TAFA4: variants seen among roughly 807,000 people sequenced by gnomAD.
TAFA4 encodes the protein chemokine-like protein TAFA-4.
TAFA4 carries 20 observed loss-of-function variants against 21.1 expected under a neutral mutation model. That is an observed-to-expected ratio of 0.95 (90% CI 0.67 to 1.38). TAFA4 has a LOEUF of 1.38. Ranked by LOEUF, TAFA4 falls within the 40% of genes most tolerant of loss-of-function variation. TAFA4 has a pLI of 0.00. For missense variants in TAFA4, 211 were observed against 180.9 expected (o/e 1.17, Z -0.95); for synonymous variants, 71 against 67.4 (o/e 1.05, Z -0.26).
intron 3 of TAFA4, among the ~76,000 whole-genome samples, chr3:68,851,059 A>T (rs1469613407): frequency 6.6e-6 from 1 of 152,214 alleles, no homozygotes; most frequent in East Asian, 1.9e-4. Context: ...TCACTGCAGC[A>T]CTATTCACAA....
rs73835346 is a variant in TAFA4, at chr3:68,755,214, T to G, written c.131-2196A>C. On this transcript the variant is annotated intron_variant, in intron 3 of 5. Transcript: ENST00000295569. ...TGAATTCCATCATCCTGTGATAAAG[T>G]AGTTTCTGTATTGCACATGTACTTA... 7.9e-3 allele frequency among the ~76,000 whole-genome samples: 1,206 copies of G among 152,332 alleles called. 12 individuals are homozygous for G. Among genetic ancestry groups the G allele is most frequent in the African/African-American group, 0.028 (1,150 of 41,564 alleles).
At chr3:68,779,493 C>T (rs113439440) in intron 3 of TAFA4, among the ~76,000 whole-genome samples, 2,230 of 152,198 alleles carry the variant, frequency 0.015, 55 homozygotes, top group African/African-American at 0.05. Flanking sequence ...TGAGCTGGGC[C>T]CAGGGTCCCT....
intron 3 of TAFA4, among the ~76,000 whole-genome samples, chr3:68,877,766 C>T (rs1261816576): frequency 1.3e-5 from 2 of 152,204 alleles, no homozygotes; most frequent in African/African-American, 4.8e-5. Context: ...AAGGCTCTGA[C>T]CACATCTACC....
intron 4 of TAFA4, among the ~76,000 whole-genome samples, chr3:68,748,771 T>C (rs1469477109): frequency 1.3e-5 from 2 of 150,800 alleles, no homozygotes; most frequent in African/African-American, 4.9e-5. Context: ...GTGATAGAAA[T>C]TGGGGCATCA....
chr3:68,838,252 T>C (rs1460846734), intron 3 of TAFA4, among the ~76,000 whole-genome samples: 2 of 152,184 alleles, frequency 1.3e-5, no homozygotes, highest in South Asian at 2.1e-4. Context: ...TTTTGTACAG[T>C]AATGATTCAT....
intron 3 of TAFA4, among the ~76,000 whole-genome samples, chr3:68,763,539 A>G (rs1195592701): frequency 3.9e-5 from 6 of 152,122 alleles, no homozygotes; most frequent in Admixed American, 1.3e-4. Context: ...CAATGGGTCA[A>G]AAATCAACAC....
intron 2 of TAFA4, 85 bp downstream of exon 2, chr3:68,885,090 C>A: frequency 7.6e-7 from 1 of 1,316,736 alleles, no homozygotes; most frequent in South Asian, 1.3e-5. Flanking sequence ...TAAAACGGAT[C>A]ATCAACTCCA....
At chr3:68,768,440 C>G (rs1320130174) in intron 3 of TAFA4, among the ~76,000 whole-genome samples, 1 of 151,962 alleles carries the variant, frequency 6.6e-6, no homozygotes, top group Admixed American at 6.6e-5. Flanking sequence ...ATCAAAAAGA[C>G]AAAAAATAAC....
chr3:68,871,460 T>G (rs1304375927), intron 3 of TAFA4, among the ~76,000 whole-genome samples: 1 of 152,100 alleles, frequency 6.6e-6, no homozygotes, highest in African/African-American at 2.4e-5. Context: ...GTCTAACACC[T>G]GAAACTATGA....
chr3:68,776,746 T>C (rs749100226), intron 3 of TAFA4, among the ~76,000 whole-genome samples: 1 of 152,172 alleles, frequency 6.6e-6, no homozygotes, highest in Non-Finnish European at 1.5e-5. Flanking sequence ...ATAGACCATA[T>C]TGTGGAACAT....
intron 3 of TAFA4, among the ~76,000 whole-genome samples, chr3:68,861,748 T>C (rs2089347707): frequency 1.3e-5 from 2 of 151,718 alleles, no homozygotes; most frequent in South Asian, 4.2e-4. Context: ...TACTTCTCAC[T>C]CCACAAGCAG....
intron 3 of TAFA4, among the ~76,000 whole-genome samples, chr3:68,755,104 C>T (rs910215012): frequency 1.3e-5 from 2 of 152,164 alleles, no homozygotes; most frequent in African/African-American, 4.8e-5. Flanking sequence ...GCAGGTACAT[C>T]GACATCTCCG....
intron 1 of TAFA4, among the ~76,000 whole-genome samples, chr3:68,926,105 G>A (rs774039126): frequency 1.5e-4 from 23 of 151,946 alleles, no homozygotes; most frequent in Admixed American, 1.3e-4. Flanking sequence ...GGTGGCGCAC[G>A]CCTGTACTCC....
In TAFA4 at chr3:68,921,064, G is replaced by A. The variant is rs1233046321; in HGVS notation, c.-123+11176C>T. On this transcript the variant is annotated intron_variant, in intron 1 of 5. Transcript: ENST00000295569. Reference sequence around the variant, plus strand: ...AGAACTGTAGCATCTTGACAGTTGGGCAGAGATGACCAATGTGAAAACCTG... The same window carrying A: ...AGAACTGTAGCATCTTGACAGTTGGACAGAGATGACCAATGTGAAAACCTG... Among the ~76,000 whole-genome samples, 2 of 152,166 alleles carry A rather than the reference G, an allele frequency of 1.3e-5. 1 individual carries two copies. Among genetic ancestry groups the A allele is most frequent in the Middle Eastern group, 6.8e-3 (2 of 294 alleles).
chr3:68,864,927 A>G (rs530139674), intron 3 of TAFA4, among the ~76,000 whole-genome samples: 1 of 152,072 alleles, frequency 6.6e-6, no homozygotes, highest in East Asian at 1.9e-4. Context: ...ACAGTGACCA[A>G]AAAAAAATCT....
chr3:68,839,814 G>C (rs1704616585), intron 3 of TAFA4, among the ~76,000 whole-genome samples: 1 of 152,168 alleles, frequency 6.6e-6, no homozygotes, highest in Non-Finnish European at 1.5e-5. Context: ...AGAGCAACTT[G>C]ATAAACTGGC....
intron 3 of TAFA4, among the ~76,000 whole-genome samples, chr3:68,792,078 AAATT>A (rs1322772734): frequency 6.6e-6 from 1 of 152,200 alleles, no homozygotes; most frequent in African/African-American, 2.4e-5. Context: ...AGTTTTTCTC[AAATT>A]ATTAAACAAT....
chr3:68,757,283 C>T (rs569750174), intron 3 of TAFA4, among the ~76,000 whole-genome samples: 1 of 152,178 alleles, frequency 6.6e-6, no homozygotes, highest in East Asian at 1.9e-4. Context: ...TGTCTCTTCC[C>T]CTTTTTATAA....
rs6549143 is a variant in TAFA4, at chr3:68,733,062, A to C, written c.*80T>G. ...CTGAAATCCTAGACAATTTTCTGCA[A>C]AGGGGCCATGATGGGAATCCAAGCA... On this transcript the variant is annotated 3_prime_UTR_variant, in exon 6 of 6. Coordinates refer to ENST00000295569, the MANE Select transcript of TAFA4 (RefSeq NM_182522.5). The C allele has an allele frequency of 6.3e-7, 1 of 1,584,024 alleles. No individual in the cohort carries two copies. The highest frequency in any genetic ancestry group is 1.4e-5 in the African/African-American group (1 of 73,566).
Sources: allele counts gnomAD v4.1 joint callset (sites outside exome capture counted in the v4.1 genomes callset), GRCh38; gene constraint gnomAD v4.1.1; transcripts MANE v1.5; gene names NCBI Gene and HGNC (gene_info 2026-07-23, HGNC 2026-07-21).